The following PTH2R variants were observed in gnomAD, a reference collection of about 807,000 sequenced individuals.
PTH2R encodes PTH2 receptor.
A neutral mutation model predicts 60.3 loss-of-function variants in PTH2R; 59 were observed. The observed-to-expected ratio is 0.98, with a 90% CI of 0.79 to 1.22. PTH2R has a LOEUF of 1.22. PTH2R is among the 50% of genes most tolerant of loss of function. The pLI is 0.00. For synonymous variants in PTH2R, 256 were observed against 243.8 expected (o/e 1.05, Z -0.47); for missense variants, 749 against 682.6 (o/e 1.10, Z -1.08).
chr2:208,363,337 T>C (rs1461723325), intron 1 of PTH2R, among the ~76,000 whole-genome samples: 4 of 152,202 alleles, frequency 2.6e-5, no homozygotes, highest in African/African-American at 9.6e-5. Context: ...GCAGCATCCA[T>C]GTTGCTGCAA....
chr2:208,493,596 C>A lies in PTH2R; in HGVS notation c.1590C>A (p.Ser530=). 2 of 1,607,222 alleles carry A rather than the reference C, an allele frequency of 1.2e-6. No homozygotes were observed. The highest frequency in any genetic ancestry group is 1.7e-6 in the Non-Finnish European group (2 of 1,176,234). The change falls in exon 13 of 13, where the codon TCC becomes TCA. Residue 530 remains serine (S), a synonymous_variant. Transcript: ENST00000272847. Reference sequence around the variant, plus strand: ...ATGATATTCTAATGGAGAAGCCTTCCAGGCCTATGGAATCTAACCCAGACA... The same window carrying A: ...ATGATATTCTAATGGAGAAGCCTTCAAGGCCTATGGAATCTAACCCAGACA... ...QGDDILMEKP[S]RPMESNPDTE... is the part of the protein sequence containing the mutation.
rs565316338 is a variant in PTH2R, at chr2:208,392,560, G to A, written c.-259+32323G>A. 5.3e-4 allele frequency among the ~76,000 whole-genome samples: 81 copies of A among 152,294 alleles called. 1 individual carries two copies. Among genetic ancestry groups the A allele is most frequent in the African/African-American group, 1.6e-3 (67 of 41,560 alleles). On this transcript the variant is annotated intron_variant, in intron 1 of 12. Transcript: ENST00000617735. ...GGGCTATAAGGATACTGGCTCCCAT[G>A]CGAGCTAGAATATCTCTACCTAATA...
chr2:208,470,956 G>A (rs1243010896), intron 9 of PTH2R, among the ~76,000 whole-genome samples: 1 of 152,194 alleles, frequency 6.6e-6, no homozygotes, highest in African/African-American at 2.4e-5. Flanking sequence ...GGGAACTGGA[G>A]CAAAGGTGAC....
chr2:208,366,526 C>CT (rs1353945983), intron 1 of PTH2R, among the ~76,000 whole-genome samples: 1 of 152,148 alleles, frequency 6.6e-6, no homozygotes, highest in East Asian at 1.9e-4. Context: ...GGTAATCATA[C>CT]TTTTCAATTT....
At chr2:208,389,227 TACACACAC>T (rs71041306) in intron 1 of PTH2R, among the ~76,000 whole-genome samples, 29 of 142,638 alleles carry the variant, frequency 2.0e-4, no homozygotes, top group South Asian at 1.2e-3. Context: ...AGGAAATGCA[TACACACAC>T]ACACACACAC....
intron 1 of PTH2R, among the ~76,000 whole-genome samples, chr2:208,422,053 G>C (rs1245180705): frequency 6.6e-6 from 1 of 152,168 alleles, no homozygotes; most frequent in Non-Finnish European, 1.5e-5. Flanking sequence ...AAGAAAGCTA[G>C]TGGTATAATT....
chr2:208,420,899 C>T (rs535917144), intron 1 of PTH2R, among the ~76,000 whole-genome samples: 5 of 152,270 alleles, frequency 3.3e-5, no homozygotes, highest in African/African-American at 9.6e-5. Flanking sequence ...ACAATAGTTC[C>T]AGCACAGGAA....
intron 9 of PTH2R, among the ~76,000 whole-genome samples, chr2:208,469,408 A>G (rs962006043): frequency 2.0e-5 from 3 of 152,314 alleles, no homozygotes; most frequent in African/African-American, 4.8e-5. Context: ...TGATGTTTGT[A>G]TATCTAGGAG....
At chr2:208,374,870 C>T (rs1700766250) in intron 1 of PTH2R, among the ~76,000 whole-genome samples, 1 of 152,072 alleles carries the variant, frequency 6.6e-6, no homozygotes, top group Non-Finnish European at 1.5e-5. Context: ...AATCAAAAAA[C>T]ATGCATTGAA....
At chr2:208,374,904 T>A (rs772818850) in intron 1 of PTH2R, among the ~76,000 whole-genome samples, 15 of 152,062 alleles carry the variant, frequency 9.9e-5, no homozygotes, top group Non-Finnish European at 1.9e-4. Flanking sequence ...CTAGATCCGG[T>A]GCTGCAAAGA....
chr2:208,467,496 T>G (rs1362752696), intron 9 of PTH2R, among the ~76,000 whole-genome samples: 1 of 152,160 alleles, frequency 6.6e-6, no homozygotes, highest in African/African-American at 2.4e-5. Context: ...TACAACTCAT[T>G]ATATACACGT....
chr2:208,429,659 T>G (rs1454867865), intron 2 of PTH2R, among the ~76,000 whole-genome samples: 1 of 152,136 alleles, frequency 6.6e-6, no homozygotes, highest in Non-Finnish European at 1.5e-5. Context: ...ACCATTAAAA[T>G]TTTTTTCATT....
chr2:208,393,230 T>C (rs1701141589), intron 1 of PTH2R, among the ~76,000 whole-genome samples: 1 of 152,208 alleles, frequency 6.6e-6, no homozygotes, highest in Non-Finnish European at 1.5e-5. Flanking sequence ...TTCTGTAGCT[T>C]CCTTCTAATG....
At chr2:208,454,958 T>C (rs1251244209) in intron 8 of PTH2R, among the ~76,000 whole-genome samples, 1 of 152,222 alleles carries the variant, frequency 6.6e-6, no homozygotes, top group African/African-American at 2.4e-5. Context: ...TCCTGAAAAT[T>C]AGAACTGTAC....
chr2:208,392,020 C>G lies in PTH2R; in HGVS notation c.-259+31783C>G, dbSNP rs1701117481. Reference sequence around the variant, plus strand: ...ACAGACGAAGACTATCTCAAAATCCCTAAGGGAAAACCATCCATGTTAACT... The same window carrying G: ...ACAGACGAAGACTATCTCAAAATCCGTAAGGGAAAACCATCCATGTTAACT... On this transcript the variant is annotated intron_variant, in intron 1 of 12. Coordinates refer to the PTH2R transcript ENST00000617735. Among the ~76,000 whole-genome samples the G allele has an allele frequency of 2.0e-5, 3 of 152,170 alleles. 1 individual carries two copies. The South Asian group carries it at 6.2e-4, about 32-fold the overall frequency.
chr2:208,481,839 C>T (rs1314405634), intron 10 of PTH2R, among the ~76,000 whole-genome samples: 1 of 152,188 alleles, frequency 6.6e-6, no homozygotes, highest in African/African-American at 2.4e-5. Context: ...TTAATCTTTA[C>T]ATCAAATTGT....
At chr2:208,491,382 AG>A in intron 12 of PTH2R, among the ~76,000 whole-genome samples, 1 of 152,258 alleles carries the variant, frequency 6.6e-6, no homozygotes, top group African/African-American at 2.4e-5. Context: ...ATTTTGCAGG[AG>A]GGGTAAGTAG....
intron 8 of PTH2R, among the ~76,000 whole-genome samples, chr2:208,459,319 G>A (rs1445338279): frequency 1.3e-5 from 2 of 152,070 alleles, no homozygotes; most frequent in Non-Finnish European, 2.9e-5. Flanking sequence ...ACAAATAAAT[G>A]CAAAAACTAC....
chr2:208,423,998 G>T (rs1041555912), intron 1 of PTH2R, among the ~76,000 whole-genome samples: 1 of 152,168 alleles, frequency 6.6e-6, no homozygotes, highest in Non-Finnish European at 1.5e-5. Flanking sequence ...CTGCTCCGTG[G>T]TCCTGATGTG....
Sources: gnomAD v4.1 joint callset for allele counts (sites outside exome capture counted in the v4.1 genomes callset) on GRCh38, gnomAD v4.1.1 for gene constraint, MANE v1.5 for transcripts, NCBI Gene and HGNC (gene_info 2026-07-23, HGNC 2026-07-21) for gene names.